Variants in BDNF observed in about 807,000 individuals in gnomAD.
BDNF encodes the protein brain derived neurotrophic factor.
In BDNF, 1 loss-of-function variant was observed where a neutral mutation model predicts 19.5. That is an observed-to-expected ratio of 0.05 (90% confidence interval 0.02 to 0.24). BDNF has a LOEUF of 0.24. Among genes scored for constraint, BDNF ranks in the 10% least tolerant of loss-of-function variants. BDNF has a pLI of 1.00. For synonymous variants in BDNF, 100 were observed against 121.6 expected, an observed-to-expected ratio of 0.82 and a Z score of 1.17; for missense variants, 195 against 317.6, an observed-to-expected ratio of 0.61 and a Z score of 2.93.
chr11:27,700,785 C>G (rs1859843683), upstream of BDNF: 1 of 1,202,052 alleles, frequency 8.3e-7, no homozygotes, highest in African/African-American at 1.6e-5. Flanking sequence ...AGCCTCAGCC[C>G]CGGGGAACCC....
intron 1 of BDNF, chr11:27,676,832 A>G (rs1388496632): frequency 2.6e-5 from 4 of 152,228 alleles, no homozygotes; most frequent in African/African-American, 9.6e-5. Flanking sequence ...AATAATGTTA[A>G]TAGCTGAGAA....
intron 1 of BDNF, among the ~76,000 whole-genome samples, chr11:27,682,337 T>C (rs1564969416): frequency 2.6e-5 from 4 of 151,784 alleles, no homozygotes; most frequent in Admixed American, 2.0e-4. Context: ...GTAATTCTGA[T>C]GCTGAATGTG....
intron 1 of BDNF, among the ~76,000 whole-genome samples, chr11:27,689,648 A>G (rs1857981282): frequency 6.6e-6 from 1 of 152,216 alleles, no homozygotes; most frequent in Non-Finnish European, 1.5e-5. Flanking sequence ...AGACTGCCTG[A>G]AGAGCAATTA....
chr11:27,690,541 T>C (rs1858114960), intron 1 of BDNF, among the ~76,000 whole-genome samples: 1 of 152,266 alleles, frequency 6.6e-6, no homozygotes, highest in East Asian at 1.9e-4. Context: ...GTGCTCCGAT[T>C]ATATCAGCAT....
chr11:27,657,986 T>G lies in BDNF; in HGVS notation c.579A>C (p.Lys193Asn). 6.2e-7 allele frequency: 1 copy of G among 1,614,166 alleles called. No homozygotes were observed. ...TTTTGTCTATGCCCCTGCAGCCTTC[T>G]TTTGTGTAACCCATGGGATTGCACT... Reference protein sequence around the residue: ...ETKCNPMGYTKEGCRGIDKRH... With the variant: ...ETKCNPMGYTNEGCRGIDKRH... Residue 193 changes from lysine (K) to asparagine (N), a missense_variant, in exon 2 of 2, where the codon AAA (lysine) becomes AAC (asparagine). Lys to Asn is a moderately conservative substitution (Grantham distance 94). This residue lies in a region of BDNF where 71 missense variants were observed against 162.6 expected (regional missense o/e 0.44). Coordinates refer to ENST00000356660, the MANE Select transcript of BDNF (RefSeq NM_001709.5). This position sits in a 1 kb window ranked among gnomAD's most constrained non-coding sequence, Gnocchi z 5.0.
At chr11:27,668,256 C>T (rs1314543898) in intron 1 of BDNF, among the ~76,000 whole-genome samples, 1 of 152,154 alleles carries the variant, frequency 6.6e-6, no homozygotes, top group Admixed American at 6.6e-5. Flanking sequence ...ATCTCTGGGA[C>T]ACATTTAAAG....
chr11:27,674,194 C>T (rs1855783372), intron 1 of BDNF: 3 of 1,606,454 alleles, frequency 1.9e-6, no homozygotes, highest in Non-Finnish European at 2.6e-6. Context: ...CATGTGTGGA[C>T]CTGCAACCCT....
chr11:27,701,205 A>C, upstream of BDNF: 1 of 1,179,566 alleles, frequency 8.5e-7, no homozygotes, highest in Non-Finnish European at 1.1e-6. Flanking sequence ...TCCAGCCAGG[A>C]AGCCCAGGCA....
chr11:27,717,681 T>C (rs889436995), intron 1 of BDNF, among the ~76,000 whole-genome samples: 1 of 152,250 alleles, frequency 6.6e-6, no homozygotes, highest in Non-Finnish European at 1.5e-5. Flanking sequence ...TCTTCCCTTC[T>C]TCTCTCCATC....
At chr11:27,715,046 G>A (rs1008086630) in intron 1 of BDNF, among the ~76,000 whole-genome samples, 11 of 152,096 alleles carry the variant, frequency 7.2e-5, no homozygotes, top group Non-Finnish European at 1.3e-4. Context: ...GGACCATTTG[G>A]TCTTGCTTGT....
upstream of BDNF, chr11:27,700,476 A>G (rs1170520357): frequency 9.2e-6 from 9 of 978,388 alleles, no homozygotes; most frequent in African/African-American, 7.3e-5. Flanking sequence ...CGGGTCAGAC[A>G]TTATTTAGCT....
At chr11:27,685,462 G>C (rs1564973002) in intron 1 of BDNF, among the ~76,000 whole-genome samples, 1 of 152,046 alleles carries the variant, frequency 6.6e-6, no homozygotes, top group Non-Finnish European at 1.5e-5. Context: ...GTTTGCTCTT[G>C]CTTCTCTAGT....
chr11:27,684,834 CATCAGGGAT>C (rs1266408979), intron 1 of BDNF, among the ~76,000 whole-genome samples: 5 of 152,154 alleles, frequency 3.3e-5, no homozygotes, highest in African/African-American at 1.2e-4. Flanking sequence ...CATCAATGTT[CATCAGGGAT>C]ATTGGCCTAC....
chr11:27,669,941 G>T (rs568451415), intron 1 of BDNF, among the ~76,000 whole-genome samples: 2 of 152,078 alleles, frequency 1.3e-5, no homozygotes, highest in African/African-American at 4.8e-5. Flanking sequence ...AAAAGAGCCC[G>T]CATCGCCAAG....
At chr11:27,659,293 A>G (rs1853013490) in intron 1 of BDNF, 2 of 997,752 alleles carry the variant, frequency 2.0e-6, no homozygotes, top group South Asian at 4.7e-5. Flanking sequence ...GTTAGAACTC[A>G]GGGCTCCCAA....
chr11:27,701,749 T>A (rs757252603), upstream of BDNF: 2 of 393,896 alleles, frequency 5.1e-6, no homozygotes, highest in Non-Finnish European at 6.9e-6. Context: ...TCAGCGCATT[T>A]AAAATGATAC....
At chr11:27,708,725 A>C (rs1346719152) in intron 1 of BDNF, among the ~76,000 whole-genome samples, 1 of 152,110 alleles carries the variant, frequency 6.6e-6, no homozygotes, top group Admixed American at 6.5e-5. Context: ...TTTAGTTGGA[A>C]TATAAGGTGG....
At chr11:27,668,729 A>C (rs1854808675) in intron 1 of BDNF, among the ~76,000 whole-genome samples, 1 of 152,198 alleles carries the variant, frequency 6.6e-6, no homozygotes, top group South Asian at 2.1e-4. Context: ...TGAATCTCTT[A>C]ATAGACCAAT....
intron 1 of BDNF, among the ~76,000 whole-genome samples, chr11:27,718,207 T>A (rs926001693): frequency 6.6e-6 from 1 of 152,106 alleles, no homozygotes; most frequent in African/African-American, 2.4e-5. Context: ...AATGTCACAA[T>A]ATTTACACCT....
Sources: gnomAD v4.1 joint callset for allele counts (sites outside exome capture counted in the v4.1 genomes callset) on GRCh38, gnomAD v4.1.1 for gene constraint, gnomAD v4.1.1 regional missense constraint, Gnocchi (gnomAD v3.1) non-coding constraint, MANE v1.5 for transcripts, NCBI Gene and HGNC (gene_info 2026-07-23, HGNC 2026-07-21) for gene names.